KIF13A: variants seen among roughly 807,000 people sequenced by gnomAD.
KIF13A encodes the protein kinesin-like protein KIF13A.
Under a neutral mutation model 212.2 loss-of-function variants are expected in KIF13A, and 79 were observed. The ratio of observed to expected loss-of-function variants is 0.37; its 90% CI spans 0.31 to 0.45. The LOEUF (loss-of-function observed/expected upper bound fraction) is 0.45. Ranked by LOEUF, KIF13A falls within the 20% of genes least tolerant of loss-of-function variation. The pLI, the probability that KIF13A is intolerant of heterozygous loss-of-function variation, is 1.00. For synonymous variants in KIF13A, 789 were observed against 808.6 expected (o/e 0.98, Z 0.41); for missense variants, 1,901 against 2,209.0 (o/e 0.86, Z 2.79).
intron 12 of KIF13A, among the ~76,000 whole-genome samples, chr6:17,832,380 A>G (rs536258158): frequency 3.3e-5 from 5 of 152,270 alleles, no homozygotes; most frequent in African/African-American, 1.2e-4. Flanking sequence ...TTCTCTGTCA[A>G]TTAGGTAGCC....
At chr6:17,759,285 TACACAC>T (rs145428957), downstream of KIF13A, 34 of 151,020 alleles carry the variant, frequency 2.3e-4, no homozygotes, top group Non-Finnish European at 4.3e-4. Flanking sequence ...CTAAAACACA[TACACAC>T]ACACACACAC....
In KIF13A at chr6:17,816,763, A is replaced by G. The variant is rs550965580; in HGVS notation, c.2000+257T>C. 3.3e-5 allele frequency among the ~76,000 whole-genome samples: 5 copies of G among 152,328 alleles called. No individual in the cohort carries two copies. The East Asian group carries it at 9.6e-4, about 29-fold the overall frequency. On this transcript the variant is annotated intron_variant, in intron 17 of 38. Transcript: ENST00000259711. The surrounding 1 kb of genome is among the most constrained non-coding windows in gnomAD (Gnocchi z 4.3). ...CTAAATTTCAATACATACCTGTCTA[A>G]CCCTTGCAACTTGGCACCATTTTTA...
chr6:17,928,355 T>C (rs1775679751), intron 2 of KIF13A, among the ~76,000 whole-genome samples: 1 of 152,118 alleles, frequency 6.6e-6, no homozygotes, highest in Non-Finnish European at 1.5e-5. Flanking sequence ...TCCACACCAG[T>C]TGGAATCAGT....
At chr6:17,875,597 G>A (rs1770477856) in intron 3 of KIF13A, among the ~76,000 whole-genome samples, 2 of 152,092 alleles carry the variant, frequency 1.3e-5, no homozygotes, top group East Asian at 3.9e-4. Context: ...TGGGACTACA[G>A]GCACGCACCA....
At chr6:17,802,923 G>GTTTTTTTTTTTTTTTT in intron 20 of KIF13A, among the ~76,000 whole-genome samples, 1 of 135,652 alleles carries the variant, frequency 7.4e-6, no homozygotes, top group African/African-American at 2.6e-5. Context: ...ATTTTTTTGT[G>GTTTTTTTTTTTTTTTT]TTTTTTTTGT....
At chr6:17,928,903 T>C (rs1450419814) in intron 2 of KIF13A, among the ~76,000 whole-genome samples, 1 of 151,852 alleles carries the variant, frequency 6.6e-6, no homozygotes, top group East Asian at 1.9e-4. Context: ...ATAATGGAAA[T>C]GTATATTTCC....
intron 13 of KIF13A, among the ~76,000 whole-genome samples, chr6:17,830,795 A>G (rs1322601195): frequency 6.6e-6 from 1 of 152,208 alleles, no homozygotes; most frequent in East Asian, 1.9e-4. Context: ...ATATTCCCAG[A>G]ATCCTCACCA....
chr6:17,834,258 A>C lies in KIF13A; in HGVS notation c.1156-187T>G, dbSNP rs1353867949. On this transcript the variant is annotated intron_variant, in intron 11 of 38. Transcript: ENST00000259711. This position sits in a 1 kb window ranked among gnomAD's most constrained non-coding sequence, Gnocchi z 4.0. ...TGTAAGAGAACATGGCTGTTCCCTG[A>C]AAAAGAAATACCAGTGTCCTGAATG... 6.6e-6 allele frequency among the ~76,000 whole-genome samples: 1 copy of C among 152,232 alleles called. No individual in the cohort carries two copies. The highest frequency in any genetic ancestry group is 1.5e-5 in the Non-Finnish European group (1 of 68,042).
At chr6:17,790,783 T>C (rs1035087424) in intron 25 of KIF13A, among the ~76,000 whole-genome samples, 2 of 152,188 alleles carry the variant, frequency 1.3e-5, no homozygotes, top group Non-Finnish European at 2.9e-5. Flanking sequence ...TACAAGGGTC[T>C]GTACTACACT....
At chr6:17,881,425 CAA>C (rs770081135) in intron 3 of KIF13A, 3 of 419,456 alleles carry the variant, frequency 7.2e-6, no homozygotes, top group African/African-American at 2.2e-5. Context: ...GGCATTTCAG[CAA>C]AAGTCAATTT....
At chr6:17,882,138 A>G (rs1468003649) in intron 3 of KIF13A, 5 of 448,762 alleles carry the variant, frequency 1.1e-5, no homozygotes, top group African/African-American at 1.0e-4. Flanking sequence ...TTATCTCTGT[A>G]TCCTTTCATT....
chr6:17,924,904 C>T (rs1258930972), intron 2 of KIF13A, among the ~76,000 whole-genome samples: 3 of 152,134 alleles, frequency 2.0e-5, no homozygotes, highest in Admixed American at 1.3e-4. Context: ...CAACAAATTG[C>T]TACAACGCTT....
chr6:17,804,263 T>G lies in KIF13A; in HGVS notation c.2454+98A>C, dbSNP rs565672479. ...TTGACTATTTGCCTTAGTTTCTTGATCCACCTCAAGAACATAGCTTAAATA... is the reference window on the plus strand; with the variant it reads ...TTGACTATTTGCCTTAGTTTCTTGAGCCACCTCAAGAACATAGCTTAAATA... On this transcript the variant is annotated intron_variant, in intron 20 of 38. Transcript: ENST00000259711. 7.2e-5 allele frequency: 79 copies of G among 1,101,844 alleles called. No individual in the cohort carries two copies. In the African/African-American group the frequency reaches 1.2e-3, roughly 17 times the overall value. The allele number at this position is 1,101,844 out of a possible 1,614,324, so 68.3% of individuals were successfully genotyped here.
In KIF13A at chr6:17,897,987, T is replaced by C. The variant is rs912962983; in HGVS notation, c.159+181A>G. On this transcript the variant is annotated intron_variant, in intron 3 of 38. Transcript: ENST00000259711. This position sits in a 1 kb window ranked among gnomAD's most constrained non-coding sequence, Gnocchi z 4.8. ...ATAATATGTGAAAGTGCTCTGTCAA[T>C]GTAGAGTGACACTCTAACTTTATGT... Among the ~76,000 whole-genome samples, 7 of 152,266 alleles carry C rather than the reference T, an allele frequency of 4.6e-5. No homozygotes were observed. The highest frequency in any genetic ancestry group is 3.9e-4 in the Admixed American group (6 of 15,290).
At chr6:17,788,728 AT>A (rs916738994) in intron 26 of KIF13A, among the ~76,000 whole-genome samples, 66 of 151,490 alleles carry the variant, frequency 4.4e-4, no homozygotes, top group African/African-American at 1.5e-3. Flanking sequence ...GTGTACCCAC[AT>A]TTTTTTTTCC....
At chr6:17,851,788 G>C (rs187234010) in intron 7 of KIF13A, among the ~76,000 whole-genome samples, 167 bp downstream of exon 7, 1 of 152,372 alleles carries the variant, frequency 6.6e-6, no homozygotes, top group Admixed American at 6.5e-5. Flanking sequence ...TGAAGAGTGT[G>C]ATTAAAAGCC....
chr6:17,846,026 G>C (rs1301435437), intron 9 of KIF13A, among the ~76,000 whole-genome samples: 2 of 117,212 alleles, frequency 1.7e-5, no homozygotes, highest in African/African-American at 6.1e-5. Context: ...GATTTCTTTA[G>C]TTTTGGAACT....
At chr6:17,882,610 G>A (rs1771174560) in intron 3 of KIF13A, among the ~76,000 whole-genome samples, 1 of 150,770 alleles carries the variant, frequency 6.6e-6, no homozygotes, top group African/African-American at 2.4e-5. Context: ...CGCCCAGGCT[G>A]GAGCGTAGTG....
rs1487351804 is a variant in KIF13A, at chr6:17,859,731, G to T, written c.221-3609C>A. ...GCTCACTGCAACCTCCACCTCTCGT[G>T]TTCAAGTGATTCTCCTGCCTCCGCC... is the stretch of plus-strand genomic sequence containing the variant. On this transcript the variant is annotated intron_variant, in intron 4 of 38. Coordinates refer to ENST00000259711, the MANE Select transcript of KIF13A (RefSeq NM_022113.6). Among the ~76,000 whole-genome samples, 3 of 149,662 alleles carry T rather than the reference G, an allele frequency of 2.0e-5. No homozygotes were observed. In the East Asian group the frequency reaches 5.9e-4, roughly 29 times the overall value.
Sources: gnomAD v4.1 joint callset for allele counts (sites outside exome capture counted in the v4.1 genomes callset) on GRCh38, gnomAD v4.1.1 for gene constraint, Gnocchi (gnomAD v3.1) non-coding constraint, MANE v1.5 for transcripts, NCBI Gene and HGNC (gene_info 2026-07-23, HGNC 2026-07-21) for gene names.